Variants in CHAMP1 observed in about 807,000 individuals in gnomAD.
CHAMP1 encodes the protein chromosome alignment-maintaining phosphoprotein 1.
In CHAMP1, 4 loss-of-function variants were observed where a neutral mutation model predicts 54.5. That is an observed-to-expected ratio of 0.07 (90% CI 0.04 to 0.17). The LOEUF (loss-of-function observed/expected upper bound fraction) is 0.17, where lower values mean the gene tolerates loss of function less well. Ranked by LOEUF, CHAMP1 falls within the 10% of genes least tolerant of loss-of-function variation. The pLI, the probability that CHAMP1 is intolerant of heterozygous loss-of-function variation, is 1.00. For missense variants in CHAMP1, 994 were observed against 968.6 expected (o/e 1.03, Z -0.35); for synonymous variants, 368 against 342.2 (o/e 1.08, Z -0.83).
chr13:114,315,113 G>A (rs183451938), intron 1 of CHAMP1, among the ~76,000 whole-genome samples: 1 of 152,308 alleles, frequency 6.6e-6, no homozygotes, highest in Non-Finnish European at 1.5e-5. Flanking sequence ...GAATGGGCAA[G>A]GAATTTGAAT....
chr13:114,325,807 A>G lies in CHAMP1; in HGVS notation c.1965A>G (p.Gln655=). The G allele has an allele frequency of 3.7e-6, 6 of 1,614,224 alleles. No homozygotes were observed. Among genetic ancestry groups the G allele is most frequent in the Non-Finnish European group, 5.1e-6 (6 of 1,180,038 alleles). ...AGGGCCAGGAATCAAGCAGTGATCA[A>G]GAGCAGGTTGATGTGGAATCCATTG... ...DIKGQESSSD[Q]EQVDVESIDF... Residue 655 remains glutamine (Q), a synonymous_variant, in exon 3 of 3, where the codon CAA becomes CAG. Coordinates refer to ENST00000361283, the MANE Select transcript of CHAMP1 (RefSeq NM_032436.4).
rs1366776297 is a variant in CHAMP1 at position 114,326,779 on chromosome 13, C to G, written c.*498C>G. 2 of 166,998 alleles carry G rather than the reference C, an allele frequency of 1.2e-5. No homozygotes were observed. The highest frequency in any genetic ancestry group is 2.9e-5 in the Non-Finnish European group (2 of 68,162). 10.3% of individuals were successfully genotyped at this position (166,998 alleles called of 1,614,324 possible). A position where few individuals can be genotyped will look rare whatever the true frequency, so the allele number is the denominator to read the frequency against. ...TTAGTTTATAAATCTTAATCAGCTTCTAGATGTTTATTAGCTTTTATGTCA... is the reference window on the plus strand; with the variant it reads ...TTAGTTTATAAATCTTAATCAGCTTGTAGATGTTTATTAGCTTTTATGTCA... On this transcript the variant is annotated 3_prime_UTR_variant, in exon 3 of 3. Coordinates refer to ENST00000361283, the MANE Select transcript of CHAMP1 (RefSeq NM_032436.4).
intron 2 of CHAMP1, among the ~76,000 whole-genome samples, chr13:114,321,545 G>A (rs562454997): frequency 1.3e-5 from 2 of 152,270 alleles, no homozygotes; most frequent in South Asian, 4.1e-4. Flanking sequence ...AGTCTCTGTT[G>A]TAATTACAAT....
Position 114,326,065 on chromosome 13 carries a change from A to T in CHAMP1, c.2223A>T (p.Thr741=). 1 of 1,612,726 alleles carries T rather than the reference A, an allele frequency of 6.2e-7. No individual in the cohort carries two copies. The highest frequency in any genetic ancestry group is 1.1e-5 in the South Asian group (1 of 90,800). Reference sequence around the variant, plus strand: ...ATGTTCATAGCCCTTACAAATGCACAATCTGTGGAAAGGCTTTTCTTTTGG... The same window carrying T: ...ATGTTCATAGCCCTTACAAATGCACTATCTGTGGAAAGGCTTTTCTTTTGG... The part of the protein sequence containing the change: ...KHNVHSPYKC[T]ICGKAFLLES... Residue 741 remains threonine (T), a synonymous_variant, in exon 3 of 3, where the codon ACA becomes ACT. Coordinates refer to ENST00000361283, the MANE Select transcript of CHAMP1 (RefSeq NM_032436.4).
chr13:114,325,106 C>A lies in CHAMP1; in HGVS notation c.1264C>A (p.Pro422Thr). Residue 422 changes from proline (P) to threonine (T), a missense_variant, in exon 3 of 3, where the codon CCC becomes ACC. Coordinates refer to ENST00000361283, the MANE Select transcript of CHAMP1 (RefSeq NM_032436.4). ...VPPVSPELRKPGPPLSPEIRS... is the reference protein window; with the variant it reads ...VPPVSPELRKTGPPLSPEIRS... ...CCCAGTGTCTCCAGAGCTTCGCAAA[C>A]CCGGCCCACCACTATCCCCAGAGAT... 1 of 1,614,156 alleles carries A rather than the reference C, an allele frequency of 6.2e-7. No homozygotes were observed.
Position 114,326,063 on chromosome 13 carries a change from A to G in CHAMP1, c.2221A>G (p.Thr741Ala), listed in dbSNP as rs782633216. Residue 741 changes from threonine to alanine, a missense_variant, in exon 3 of 3, where the codon ACA becomes GCA. Coordinates refer to ENST00000361283, the MANE Select transcript of CHAMP1 (RefSeq NM_032436.4). ...TAATGTTCATAGCCCTTACAAATGC[A>G]CAATCTGTGGAAAGGCTTTTCTTTT... is the stretch of plus-strand genomic sequence containing the variant. ...KHNVHSPYKC[T>A]ICGKAFLLES... 1.2e-6 allele frequency: 2 copies of G among 1,612,972 alleles called. No homozygotes were observed. The highest frequency in any genetic ancestry group is 2.2e-5 in the South Asian group (2 of 90,840).
intron 2 of CHAMP1, chr13:114,322,956 T>C (rs1046759880): frequency 2.0e-5 from 3 of 152,236 alleles, no homozygotes; most frequent in Non-Finnish European, 4.4e-5. Flanking sequence ...TTACAATTTT[T>C]TTAAATTCAT....
chr13:114,322,072 T>TG (rs1555379160), intron 2 of CHAMP1: 2 of 149,302 alleles, frequency 1.3e-5, no homozygotes, highest in South Asian at 4.3e-4. Context: ...GATGGAGTCT[T>TG]GCTCTGTCAC....
In CHAMP1 at chr13:114,325,478, C is replaced by T. The variant is rs782768495; in HGVS notation, c.1636C>T (p.Arg546Cys). Residue 546 changes from arginine to cysteine, a missense_variant, in exon 3 of 3, where the codon CGC becomes TGC. Arg to Cys is a radical substitution (Grantham distance 180). This residue lies in a region of CHAMP1 where 851 missense variants were observed against 701.3 expected (regional missense o/e 1.21). Coordinates refer to ENST00000361283, the MANE Select transcript of CHAMP1 (RefSeq NM_032436.4). The part of the protein sequence containing the change: ...KTAPPASPEA[R>C]KRALFPEPRK... Reference sequence around the variant, plus strand: ...AGCCCCTCCTGCTTCTCCAGAAGCACGCAAACGTGCCCTTTTTCCAGAGCC... The same window carrying T: ...AGCCCCTCCTGCTTCTCCAGAAGCATGCAAACGTGCCCTTTTTCCAGAGCC... The T allele has an allele frequency of 3.5e-5, 57 of 1,614,046 alleles. No individual in the cohort carries two copies. Among genetic ancestry groups the T allele is most frequent in the East Asian group, 1.1e-4 (5 of 44,888 alleles).
At chr13:114,318,896 T>A (rs1008166438) in intron 1 of CHAMP1, among the ~76,000 whole-genome samples, 2 of 134,314 alleles carry the variant, frequency 1.5e-5, no homozygotes, top group African/African-American at 5.6e-5. Flanking sequence ...TAATGTTCCC[T>A]AGTTTGTTAG....
At chr13:114,320,949 C>G (rs1391972048) in intron 1 of CHAMP1, among the ~76,000 whole-genome samples, 161 bp from the exon 2 acceptor site, 3 of 143,792 alleles carry the variant, frequency 2.1e-5, no homozygotes, top group African/African-American at 2.9e-5. Flanking sequence ...GAGCAAGACT[C>G]TGTCTCAAAA....
intron 1 of CHAMP1, among the ~76,000 whole-genome samples, chr13:114,318,436 G>A (rs1054721691): frequency 4.6e-5 from 7 of 151,236 alleles, no homozygotes; most frequent in Non-Finnish European, 1.0e-4. Flanking sequence ...GATTTCTCTT[G>A]CCTCAGGCTC....
chr13:114,325,064 C>T lies in CHAMP1; in HGVS notation c.1222C>T (p.His408Tyr). 2.5e-6 allele frequency: 4 copies of T among 1,614,166 alleles called. No individual in the cohort carries two copies. The highest frequency in any genetic ancestry group is 3.4e-6 in the Non-Finnish European group (4 of 1,180,038). The part of the protein sequence containing the change: ...RKTAPTLSPE[H>Y]WKAVPPVSPE... ...GACAGCTCCCACGTTGTCTCCTGAACATTGGAAGGCAGTTCCCCCAGTGTC... is the reference window on the plus strand; with the variant it reads ...GACAGCTCCCACGTTGTCTCCTGAATATTGGAAGGCAGTTCCCCCAGTGTC... The change falls in exon 3 of 3, where the codon CAT becomes TAT. Residue 408 changes from histidine to tyrosine, a missense_variant. Around this residue, in one of 3 missense-constraint regions of CHAMP1, gnomAD observed 851 missense variants for 701.3 expected, o/e 1.21. Transcript: ENST00000361283.
Position 114,325,237 on chromosome 13 carries a change from C to T in CHAMP1, c.1395C>T (p.Phe465=), listed in dbSNP as rs782187552. ...AAACTTCTCCTGCTTCACTTGATTT[C>T]CCTGAGTCCCAGAAAAGTTCCCGTG... ...QRKTSPASLD[F]PESQKSSRGG... is the part of the protein sequence containing the mutation. Residue 465 remains phenylalanine, a synonymous_variant, in exon 3 of 3, where the codon TTC becomes TTT. Coordinates refer to ENST00000361283, the MANE Select transcript of CHAMP1 (RefSeq NM_032436.4). 5.6e-6 allele frequency: 9 copies of T among 1,614,026 alleles called. No individual in the cohort carries two copies. Among genetic ancestry groups the T allele is most frequent in the South Asian group, 1.1e-5 (1 of 91,088 alleles).
In CHAMP1 at chr13:114,325,476, C is replaced by T. The variant is rs1555379828; in HGVS notation, c.1634C>T (p.Ala545Val). 1 of 1,614,136 alleles carries T rather than the reference C, an allele frequency of 6.2e-7. No homozygotes were observed. The highest frequency in any genetic ancestry group is 1.1e-5 in the South Asian group (1 of 91,084). The change falls in exon 3 of 3, where the codon GCA becomes GTA. Residue 545 changes from alanine (A) to valine (V), a missense_variant. By Grantham distance (64) the Ala-to-Val change is moderately conservative. Transcript: ENST00000361283. The part of the protein sequence containing the change: ...AKTAPPASPE[A>V]RKRALFPEPR... ...ACAGCCCCTCCTGCTTCTCCAGAAGCACGCAAACGTGCCCTTTTTCCAGAG... is the reference window on the plus strand; with the variant it reads ...ACAGCCCCTCCTGCTTCTCCAGAAGTACGCAAACGTGCCCTTTTTCCAGAG...
intron 1 of CHAMP1, among the ~76,000 whole-genome samples, chr13:114,315,399 G>A (rs1404175537): frequency 2.6e-5 from 4 of 152,154 alleles, no homozygotes; most frequent in African/African-American, 4.8e-5. Context: ...AAAATTGACA[G>A]CAGAGACTCA....
Position 114,324,533 on chromosome 13 carries a change from T to C in CHAMP1, c.691T>C (p.Ser231Pro). ...TLSNPKPQKQSHFPETLGPPS... is the reference protein window; with the variant it reads ...TLSNPKPQKQPHFPETLGPPS... ...TAGTAATCCCAAACCCCAGAAGCAG[T>C]CTCATTTCCCGGAAACATTGGGGCC... Residue 231 changes from serine to proline, a missense_variant, in exon 3 of 3, where the codon TCT (serine) becomes CCT (proline). Ser to Pro is a moderately conservative substitution (Grantham distance 74). Around this residue, in one of 3 missense-constraint regions of CHAMP1, gnomAD observed 851 missense variants for 701.3 expected, o/e 1.21. Transcript: ENST00000361283. 1 of 1,613,980 alleles carries C rather than the reference T, an allele frequency of 6.2e-7. No individual in the cohort carries two copies. The highest frequency in any genetic ancestry group is 8.5e-7 in the Non-Finnish European group (1 of 1,179,994).
At chr13:114,316,512 C>T (rs1039215226) in intron 1 of CHAMP1, among the ~76,000 whole-genome samples, 4 of 151,358 alleles carry the variant, frequency 2.6e-5, no homozygotes, top group African/African-American at 9.7e-5. Context: ...ATCGCTTGAA[C>T]CTGGGAGGTG....
chr13:114,316,576 C>T (rs577204246), intron 1 of CHAMP1, among the ~76,000 whole-genome samples: 30 of 151,270 alleles, frequency 2.0e-4, no homozygotes, highest in African/African-American at 7.0e-4. Context: ...GGTGACAGAG[C>T]GAGACTCCCT....
Sources: gnomAD v4.1 joint callset for allele counts (sites outside exome capture counted in the v4.1 genomes callset) on GRCh38, gnomAD v4.1.1 for gene constraint, gnomAD v4.1.1 regional missense constraint, MANE v1.5 for transcripts, NCBI Gene and HGNC (gene_info 2026-07-23, HGNC 2026-07-21) for gene names.